The following ATP8A2 variants were observed in gnomAD, a reference collection of about 807,000 sequenced individuals.
The protein encoded by ATP8A2 is phospholipid-transporting ATPase IB.
A neutral mutation model predicts 165.6 loss-of-function variants in ATP8A2; 100 were observed. That is an observed-to-expected ratio of 0.60 (90% CI 0.51 to 0.71). The LOEUF (loss-of-function observed/expected upper bound fraction) is 0.71, where lower values mean the gene tolerates loss of function less well. Among genes scored for constraint, ATP8A2 ranks in the 30% least tolerant of loss-of-function variants. The pLI, the probability that ATP8A2 is intolerant of heterozygous loss-of-function variation, is 0.00. For missense variants in ATP8A2, 1,227 were observed against 1,479.5 expected (o/e 0.83, Z 2.80); for synonymous variants, 543 against 548.8 (o/e 0.99, Z 0.15).
At chr13:25,780,152 A>G (rs1180525858) in intron 27 of ATP8A2, among the ~76,000 whole-genome samples, 1 of 152,228 alleles carries the variant, frequency 6.6e-6, no homozygotes, top group Non-Finnish European at 1.5e-5. Flanking sequence ...AACTTAACCT[A>G]TATTTCGAAA....
At chr13:25,409,169 C>G (rs1397216395) in intron 1 of ATP8A2, among the ~76,000 whole-genome samples, 1 of 152,102 alleles carries the variant, frequency 6.6e-6, no homozygotes, top group African/African-American at 2.4e-5. Context: ...CTCTTCTCAG[C>G]CCTGGTACAT....
At chr13:25,732,027 C>G (rs949165892) in intron 25 of ATP8A2, among the ~76,000 whole-genome samples, 17 of 152,198 alleles carry the variant, frequency 1.1e-4, no homozygotes, top group Non-Finnish European at 8.8e-5. Flanking sequence ...AGTTTTCCCT[C>G]ACAGCCTCTC....
intron 33 of ATP8A2, among the ~76,000 whole-genome samples, chr13:25,869,580 T>C (rs1263184711): frequency 6.6e-6 from 1 of 152,204 alleles, no homozygotes; most frequent in Non-Finnish European, 1.5e-5. Context: ...TTTTCAGGTA[T>C]ATGAAGGAGA....
chr13:25,565,883 A>T (rs978082999), intron 16 of ATP8A2, among the ~76,000 whole-genome samples: 6 of 151,526 alleles, frequency 4.0e-5, no homozygotes, highest in African/African-American at 1.5e-4. Flanking sequence ...ATGCCAACTT[A>T]GAAAATTATT....
intron 1 of ATP8A2, among the ~76,000 whole-genome samples, chr13:25,442,643 C>G (rs79853654): frequency 0.015 from 2,243 of 152,252 alleles, 55 homozygotes; most frequent in African/African-American, 0.051. Context: ...TGTTCTTGAA[C>G]TTCTAGGCTC....
At position 25,860,323 on chromosome 13, in the gene ATP8A2, C is replaced by T. The variant is rs1403289686; in HGVS notation, c.3018+67C>T. On this transcript the variant is annotated intron_variant, in intron 31 of 36. Coordinates refer to ENST00000381655, the MANE Select transcript of ATP8A2 (RefSeq NM_016529.6). ...ATGTGTGGCTTGCACTTCTCTAAAC[C>T]CTTAAAAAGGGCCTTCCTCATTATT... 3 of 919,386 alleles carry T rather than the reference C, an allele frequency of 3.3e-6. No homozygotes were observed. The East Asian group carries it at 7.4e-5, about 23-fold the overall frequency. The allele number at this position is 919,386 out of a possible 1,614,324, so 57.0% of individuals were successfully genotyped here.
chr13:25,800,311 C>A (rs1265209889), intron 27 of ATP8A2, among the ~76,000 whole-genome samples: 1 of 152,198 alleles, frequency 6.6e-6, no homozygotes, highest in African/African-American at 2.4e-5. Flanking sequence ...GTACCAGGAA[C>A]CTGTGCAGAC....
intron 25 of ATP8A2, among the ~76,000 whole-genome samples, chr13:25,728,739 T>C (rs1240035944): frequency 2.6e-5 from 4 of 152,198 alleles, no homozygotes; most frequent in East Asian, 1.9e-4. Flanking sequence ...AGAATTCACC[T>C]GTATCCCCTA....
At chr13:25,430,657 G>A (rs1262350106) in intron 1 of ATP8A2, among the ~76,000 whole-genome samples, 2 of 152,076 alleles carry the variant, frequency 1.3e-5, no homozygotes, top group African/African-American at 2.4e-5. Flanking sequence ...GACTGAAGTG[G>A]CGAAATCTCG....
Position 25,707,778 on chromosome 13 carries a change from G to A in ATP8A2, c.2384+8433G>A, listed in dbSNP as rs78238612. On this transcript the variant is annotated intron_variant, in intron 25 of 36. Transcript: ENST00000381655. ...TATAGTAGACCTACTTTTCCTAATG[G>A]TTCTGAAACCTGATTTACATGGCAC... 0.012 allele frequency among the ~76,000 whole-genome samples: 1,774 copies of A among 152,146 alleles called. 164 individuals are homozygous for A. In the East Asian group the frequency reaches 0.23, roughly 20 times the overall value.
intron 23 of ATP8A2, among the ~76,000 whole-genome samples, chr13:25,583,579 C>T (rs1199836204): frequency 6.6e-6 from 1 of 152,136 alleles, no homozygotes; most frequent in Non-Finnish European, 1.5e-5. Flanking sequence ...ATCCACACCG[C>T]CCGGCCCCTG....
intron 24 of ATP8A2, among the ~76,000 whole-genome samples, chr13:25,594,482 C>T (rs558018751): frequency 1.3e-5 from 2 of 152,166 alleles, no homozygotes; most frequent in Non-Finnish European, 2.9e-5. Context: ...TTACATGAGT[C>T]AGTTCTTTAG....
chr13:25,737,741 A>G (rs754924023), intron 25 of ATP8A2, among the ~76,000 whole-genome samples: 10 of 152,090 alleles, frequency 6.6e-5, no homozygotes, highest in Non-Finnish European at 1.2e-4. Flanking sequence ...GGAGTGCAGT[A>G]GCGCGATCTC....
chr13:25,761,138 T>C (rs933441496), intron 25 of ATP8A2, among the ~76,000 whole-genome samples: 4 of 152,196 alleles, frequency 2.6e-5, no homozygotes, highest in Non-Finnish European at 4.4e-5. Flanking sequence ...TGCCTGGTAT[T>C]GCCAAAATAT....
intron 1 of ATP8A2, among the ~76,000 whole-genome samples, chr13:25,413,674 G>GT (rs986989481): frequency 6.6e-6 from 1 of 152,114 alleles, no homozygotes; most frequent in African/African-American, 2.4e-5. Flanking sequence ...AAGCCATTCT[G>GT]TTTTTTCCTT....
At chr13:25,769,503 TCTCTGATCTTGCTAATAATAAC>T (rs2044572212) in intron 26 of ATP8A2, among the ~76,000 whole-genome samples, 1 of 152,148 alleles carries the variant, frequency 6.6e-6, no homozygotes, top group South Asian at 2.1e-4. Flanking sequence ...GGCAGATAGG[TCTCTGATCTTGCTAATAATAAC>T]CTCTCACCTT....
At chr13:25,703,189 C>G (rs3121592) in intron 25 of ATP8A2, among the ~76,000 whole-genome samples, 9 of 152,162 alleles carry the variant, frequency 5.9e-5, no homozygotes, top group Admixed American at 2.0e-4. Context: ...AAGCAATTCT[C>G]CTGCCTCGGC....
intron 33 of ATP8A2, among the ~76,000 whole-genome samples, chr13:25,952,952 C>A (rs1335568492): frequency 6.6e-6 from 1 of 152,042 alleles, no homozygotes; most frequent in South Asian, 2.1e-4. Context: ...TTTCAGAAAG[C>A]CAAACCTCAA....
chr13:25,901,886 C>CT (rs1953758981), intron 33 of ATP8A2, among the ~76,000 whole-genome samples: 1 of 152,344 alleles, frequency 6.6e-6, no homozygotes, highest in Admixed American at 6.5e-5. Flanking sequence ...GGGACATCCC[C>CT]TTTTAAACAT....
Sources: gnomAD v4.1 joint callset for allele counts (sites outside exome capture counted in the v4.1 genomes callset) on GRCh38, gnomAD v4.1.1 for gene constraint, MANE v1.5 for transcripts, NCBI Gene and HGNC (gene_info 2026-07-23, HGNC 2026-07-21) for gene names.